MOSMO: variants seen among roughly 807,000 people sequenced by gnomAD.
MOSMO encodes modulator of smoothened protein.
MOSMO carries 5 observed loss-of-function variants against 18.4 expected under a neutral mutation model. The ratio of observed to expected loss-of-function variants is 0.27; its 90% CI spans 0.14 to 0.57. The LOEUF is 0.57. MOSMO is among the 20% of genes least tolerant of loss of function. MOSMO has a pLI of 0.92. For missense variants in MOSMO, 138 were observed against 211.8 expected (o/e 0.65, Z 2.16); for synonymous variants, 82 against 82.3 (o/e 1.00, Z 0.02).
rs191819682 is a variant in MOSMO, at chr16:22,072,769, T to G, written c.107-2718T>G. On this transcript the variant is annotated intron_variant, in intron 1 of 2. Coordinates refer to ENST00000542527, the MANE Select transcript of MOSMO (RefSeq NM_001164579.2). ...GGAGCTTGCCGTGATATCGCGCCAC[T>G]GCACTCCAGCCTGGGTGACAGAGCG... Among the ~76,000 whole-genome samples, 572 of 148,600 alleles carry G rather than the reference T, an allele frequency of 3.8e-3. 3 individuals carry two copies. Among genetic ancestry groups the G allele is most frequent in the African/African-American group, 0.013 (527 of 40,014 alleles).
In MOSMO at chr16:22,080,848, C is replaced by G. The variant is rs916673124; in HGVS notation, c.472C>G (p.Leu158Val). ...AATTTTCTTTACAATAGTAGGACTTCTATTTGCTGGCAAAGTTTGTTTACC... is the reference window on the plus strand; with the variant it reads ...AATTTTCTTTACAATAGTAGGACTTGTATTTGCTGGCAAAGTTTGTTTACC... ...LSIFFTIVGL[L>V]FAGKVCLPG is the part of the protein sequence containing the mutation. Residue 158 changes from leucine to valine, a missense_variant, in exon 3 of 3, where the codon CTA becomes GTA. Leu to Val is a conservative substitution (Grantham distance 32, BLOSUM62 1). Coordinates refer to ENST00000542527, the MANE Select transcript of MOSMO (RefSeq NM_001164579.2). 1.4e-6 allele frequency: 2 copies of G among 1,420,300 alleles called. No homozygotes were observed. The highest frequency in any genetic ancestry group is 3.0e-5 in the African/African-American group (2 of 67,372). The allele number at this position is 1,420,300 out of a possible 1,614,324, so 88.0% of individuals were successfully genotyped here.
At chr16:22,085,833 A>G (rs1901162307), downstream of MOSMO, 1 of 152,160 alleles carries the variant, frequency 6.6e-6, no homozygotes, top group African/African-American at 2.4e-5. Context: ...AGGAGAAGAA[A>G]ACACTGTGGG....
intron 1 of MOSMO, among the ~76,000 whole-genome samples, chr16:22,073,472 C>T (rs550116742): frequency 2.6e-5 from 4 of 151,670 alleles, no homozygotes; most frequent in East Asian, 1.9e-4. Context: ...TAAGAGTTCT[C>T]GAGCACTGCT....
chr16:22,039,047 A>G (rs1421094772), intron 1 of MOSMO, among the ~76,000 whole-genome samples: 3 of 152,218 alleles, frequency 2.0e-5, no homozygotes, highest in African/African-American at 4.8e-5. Context: ...CCTAATAATC[A>G]TACTGAATCA....
At chr16:22,058,941 C>T (rs1341797098) in intron 1 of MOSMO, among the ~76,000 whole-genome samples, 1 of 152,182 alleles carries the variant, frequency 6.6e-6, no homozygotes, top group Non-Finnish European at 1.5e-5. Flanking sequence ...TGGGAACAAA[C>T]TTGACAACTC....
chr16:22,024,105 T>A (rs936818652), intron 1 of MOSMO, among the ~76,000 whole-genome samples: 4 of 151,264 alleles, frequency 2.6e-5, no homozygotes, highest in Admixed American at 1.3e-4. Context: ...TTCAAATTAG[T>A]TGCCAACCTT....
chr16:22,079,920 A>T (rs773092263), intron 2 of MOSMO, among the ~76,000 whole-genome samples: 2 of 152,158 alleles, frequency 1.3e-5, no homozygotes, highest in Admixed American at 6.5e-5. Flanking sequence ...AGTAGCTGGG[A>T]TTACAGGCTT....
intron 1 of MOSMO, among the ~76,000 whole-genome samples, chr16:22,050,426 G>A (rs571546546): frequency 1.3e-5 from 2 of 152,198 alleles, no homozygotes; most frequent in East Asian, 3.9e-4. Context: ...GGACAGTTTT[G>A]GCCACTCCAT....
chr16:22,063,281 A>G (rs1029999590), intron 1 of MOSMO, among the ~76,000 whole-genome samples: 10 of 152,218 alleles, frequency 6.6e-5, no homozygotes, highest in Admixed American at 3.9e-4. Context: ...GAATTACTGT[A>G]CTCATGTAAA....
At chr16:22,046,424 T>C (rs1438685685) in intron 1 of MOSMO, among the ~76,000 whole-genome samples, 1 of 152,134 alleles carries the variant, frequency 6.6e-6, no homozygotes. Flanking sequence ...ATAACCTCAT[T>C]GTATGTCTCT....
chr16:22,085,587 C>G (rs1045936502), downstream of MOSMO: 1 of 152,056 alleles, frequency 6.6e-6, no homozygotes, highest in Non-Finnish European at 1.5e-5. Context: ...GCTTTGAAAA[C>G]AACATGGGTT....
At chr16:22,049,848 A>G (rs1900387583) in intron 1 of MOSMO, among the ~76,000 whole-genome samples, 1 of 152,158 alleles carries the variant, frequency 6.6e-6, no homozygotes, top group African/African-American at 2.4e-5. Flanking sequence ...TTACTGAATA[A>G]TCCATTCTTT....
At chr16:22,055,597 C>T (rs954382498) in intron 1 of MOSMO, among the ~76,000 whole-genome samples, 1 of 152,176 alleles carries the variant, frequency 6.6e-6, no homozygotes, top group African/African-American at 2.4e-5. Flanking sequence ...CAAGTGACAC[C>T]ATGCAGTACT....
At chr16:22,015,100 A>T (rs1208934387) in intron 1 of MOSMO, among the ~76,000 whole-genome samples, 1 of 152,130 alleles carries the variant, frequency 6.6e-6, no homozygotes, top group East Asian at 1.9e-4. Flanking sequence ...CCAGGCTAAG[A>T]GGTGCCTCTT....
chr16:22,057,284 A>G (rs1177490483), intron 1 of MOSMO, among the ~76,000 whole-genome samples: 5 of 152,220 alleles, frequency 3.3e-5, no homozygotes, highest in African/African-American at 1.2e-4. Flanking sequence ...TGAAGGACCA[A>G]TCTCTGCTTT....
chr16:22,057,716 T>A (rs1900564194), intron 1 of MOSMO, among the ~76,000 whole-genome samples: 1 of 152,160 alleles, frequency 6.6e-6, no homozygotes. Context: ...AAAATAAATA[T>A]AATTGTCATA....
intron 1 of MOSMO, among the ~76,000 whole-genome samples, chr16:22,040,673 T>A (rs1900193558): frequency 6.6e-6 from 1 of 152,214 alleles, no homozygotes. Context: ...ATACATTATA[T>A]GTTTAAAGAA....
downstream of MOSMO, among the ~76,000 whole-genome samples, chr16:22,090,907 C>T (rs1245468087): frequency 3.9e-5 from 6 of 152,028 alleles, no homozygotes; most frequent in African/African-American, 1.4e-4. Flanking sequence ...GGCTCAAGTA[C>T]AAGAAAGCAG....
intron 1 of MOSMO, among the ~76,000 whole-genome samples, chr16:22,015,873 G>A (rs1277007984): frequency 1.3e-5 from 2 of 152,098 alleles, no homozygotes; most frequent in African/African-American, 2.4e-5. Flanking sequence ...ATGAACAGCA[G>A]GCATGAGTAA....
Sources: allele counts gnomAD v4.1 joint callset (sites outside exome capture counted in the v4.1 genomes callset), GRCh38; gene constraint gnomAD v4.1.1; transcripts MANE v1.5; gene names NCBI Gene and HGNC (gene_info 2026-07-23, HGNC 2026-07-21).